RPS6KB1: variants seen among roughly 807,000 people sequenced by gnomAD.
RPS6KB1 encodes ribosomal protein S6 kinase B1.
RPS6KB1 carries 12 observed loss-of-function variants against 70.2 expected under a neutral mutation model. The ratio of observed to expected loss-of-function variants is 0.17; its 90% CI spans 0.11 to 0.28. The LOEUF is 0.28. Ranked by LOEUF, RPS6KB1 falls within the 10% of genes least tolerant of loss-of-function variation. The pLI, the probability that RPS6KB1 is intolerant of heterozygous loss-of-function variation, is 1.00. For missense variants in RPS6KB1, 270 were observed against 646.6 expected (o/e 0.42, Z 6.32); for synonymous variants, 175 against 211.2 (o/e 0.83, Z 1.49).
intron 4 of RPS6KB1, among the ~76,000 whole-genome samples, chr17:59,918,559 C>T (rs1344065728): frequency 2.0e-5 from 3 of 151,622 alleles, no homozygotes; most frequent in African/African-American, 2.4e-5. Flanking sequence ...TAGCAGATAT[C>T]GGGTTTCATC....
intron 1 of RPS6KB1, among the ~76,000 whole-genome samples, chr17:59,908,196 ATT>A (rs924650940): frequency 1.4e-5 from 2 of 144,032 alleles, no homozygotes; most frequent in Admixed American, 7.0e-5. Flanking sequence ...CAAAATATAC[ATT>A]TTTTTTTTTT....
intron 1 of RPS6KB1, among the ~76,000 whole-genome samples, chr17:59,906,618 T>A (rs1336755785): frequency 6.6e-6 from 1 of 152,066 alleles, no homozygotes; most frequent in Non-Finnish European, 1.5e-5. Context: ...TATCTTGGCC[T>A]CCTAAAGTGC....
intron 4 of RPS6KB1, among the ~76,000 whole-genome samples, chr17:59,924,349 C>T (rs1367297115): frequency 6.6e-6 from 1 of 151,984 alleles, no homozygotes; most frequent in African/African-American, 2.4e-5. Flanking sequence ...ATCTTTTTCT[C>T]CTATATCTTT....
At position 59,893,400 on chromosome 17, in the gene RPS6KB1, T is replaced by C; in HGVS notation, c.141+75T>C. 2.7e-6 allele frequency: 4 copies of C among 1,455,028 alleles called. No homozygotes were observed. Among genetic ancestry groups the C allele is most frequent in the Non-Finnish European group, 3.7e-6 (4 of 1,068,022 alleles). 90.1% of individuals were successfully genotyped at this position (1,455,028 alleles called of 1,614,324 possible). ...GCGCGGGCTCAGGAAGCGCGGTGTG[T>C]CCTAGAGCGTGGAGACCCAGGGGGG... On this transcript the variant is annotated intron_variant, in intron 1 of 14. Transcript: ENST00000225577. This position sits in a 1 kb window ranked among gnomAD's most constrained non-coding sequence, Gnocchi z 4.1.
chr17:59,905,294 C>A (rs865893727), intron 1 of RPS6KB1, among the ~76,000 whole-genome samples: 3 of 152,042 alleles, frequency 2.0e-5, no homozygotes, highest in Non-Finnish European at 4.4e-5. Context: ...AAGCATTAGC[C>A]GCTGTGCTCA....
At chr17:59,905,798 G>A (rs561383770) in intron 1 of RPS6KB1, among the ~76,000 whole-genome samples, 10 of 151,670 alleles carry the variant, frequency 6.6e-5, no homozygotes, top group African/African-American at 1.2e-4. Context: ...GAGCCACTGC[G>A]CCTGGCCCTT....
chr17:59,920,650 G>A (rs1259766252), intron 4 of RPS6KB1, among the ~76,000 whole-genome samples: 2 of 152,162 alleles, frequency 1.3e-5, no homozygotes, highest in Non-Finnish European at 2.9e-5. Flanking sequence ...TAGAATTGAA[G>A]GCAGCATAAT....
intron 13 of RPS6KB1, among the ~76,000 whole-genome samples, chr17:59,944,347 C>T (rs1308220002): frequency 6.6e-6 from 1 of 152,158 alleles, no homozygotes; most frequent in Non-Finnish European, 1.5e-5. Context: ...CAAGAGAGAA[C>T]TAAAATGAAC....
chr17:59,938,950 A>G (rs1186554964), intron 12 of RPS6KB1, among the ~76,000 whole-genome samples: 4 of 151,458 alleles, frequency 2.6e-5, no homozygotes, highest in Non-Finnish European at 5.9e-5. Flanking sequence ...AGGTTGAGAA[A>G]CTCTGGCCTA....
In RPS6KB1 at chr17:59,899,632, CA is replaced by C. The variant is rs1353041969; in HGVS notation, c.141+6315del. 1.1e-4 allele frequency among the ~76,000 whole-genome samples: 17 copies of C among 151,846 alleles called. 1 individual carries two copies. The South Asian group carries it at 2.9e-3, about 26-fold the overall frequency. ...AGGCGATTACGTAGAGCAACAAAGA[CA>C]AAAAAAACCTTTAACCATGACCACC... On this transcript the variant is annotated intron_variant, in intron 1 of 14. Coordinates refer to ENST00000225577, the MANE Select transcript of RPS6KB1 (RefSeq NM_003161.4).
chr17:59,900,643 C>T (rs2041878303), intron 1 of RPS6KB1, among the ~76,000 whole-genome samples: 2 of 152,090 alleles, frequency 1.3e-5, no homozygotes, highest in South Asian at 2.1e-4. Context: ...GGATTACAGG[C>T]GTGAGCCACG....
At chr17:59,939,133 A>G (rs2044429596) in intron 12 of RPS6KB1, among the ~76,000 whole-genome samples, 1 of 152,128 alleles carries the variant, frequency 6.6e-6, no homozygotes, top group East Asian at 2.0e-4. Flanking sequence ...CTAGTTTTCA[A>G]AATAATGAAT....
At chr17:59,942,209 T>C (rs2044654627) in intron 13 of RPS6KB1, among the ~76,000 whole-genome samples, 1 of 152,148 alleles carries the variant, frequency 6.6e-6, no homozygotes, top group Admixed American at 6.6e-5. Flanking sequence ...CCTCCCAAAG[T>C]GTTGGGAATA....
intron 1 of RPS6KB1, among the ~76,000 whole-genome samples, chr17:59,894,828 C>T (rs2041430794): frequency 6.6e-6 from 1 of 151,984 alleles, no homozygotes; most frequent in Non-Finnish European, 1.5e-5. Flanking sequence ...TGTTCTCGGA[C>T]TCCTGACCTC....
At chr17:59,927,582 C>G (rs1188751330) in intron 5 of RPS6KB1, among the ~76,000 whole-genome samples, 1 of 150,644 alleles carries the variant, frequency 6.6e-6, no homozygotes, top group African/African-American at 2.4e-5. Context: ...TATCGGCTCA[C>G]TGCAACTTCC....
chr17:59,901,989 G>A (rs1273747655), intron 1 of RPS6KB1, among the ~76,000 whole-genome samples: 1 of 133,726 alleles, frequency 7.5e-6, no homozygotes, highest in African/African-American at 2.9e-5. Context: ...TTCAACCTGC[G>A]CAACAGAATG....
chr17:59,945,125 C>G (rs1399794322), intron 13 of RPS6KB1: 1 of 242,480 alleles, frequency 4.1e-6, no homozygotes. Flanking sequence ...TCATATGGAG[C>G]CTGAATTTTC....
At chr17:59,898,752 C>T (rs117352420) in intron 1 of RPS6KB1, among the ~76,000 whole-genome samples, 2 of 151,764 alleles carry the variant, frequency 1.3e-5, no homozygotes, top group African/African-American at 2.4e-5. Context: ...CCACCGTGCC[C>T]GGCCAGCAGC....
chr17:59,926,506 G>T lies in RPS6KB1; in HGVS notation c.453G>T (p.Lys151Asn). The T allele has an allele frequency of 6.2e-7, 1 of 1,611,616 alleles. No individual in the cohort carries two copies. The highest frequency in any genetic ancestry group is 8.5e-7 in the Non-Finnish European group (1 of 1,177,914). ...KAERNILEEVKHPFIVDLIYA... is the reference protein window; with the variant it reads ...KAERNILEEVNHPFIVDLIYA... ...AACGGAATATTCTGGAGGAAGTAAA[G>T]CATCCCTTCATCGTGGATTTAATTT... Residue 151 changes from lysine to asparagine, a missense_variant, in exon 5 of 15, where the codon AAG becomes AAT. Lys to Asn is a moderately conservative substitution (Grantham distance 94). Transcript: ENST00000225577.
Sources: gnomAD v4.1 joint callset for allele counts (sites outside exome capture counted in the v4.1 genomes callset) on GRCh38, gnomAD v4.1.1 for gene constraint, Gnocchi (gnomAD v3.1) non-coding constraint, MANE v1.5 for transcripts, NCBI Gene and HGNC (gene_info 2026-07-23, HGNC 2026-07-21) for gene names.